The following PPARA variants were observed in gnomAD, a reference collection of about 807,000 sequenced individuals.
The protein encoded by PPARA is peroxisome proliferator-activated receptor alpha.
PPARA carries 22 observed loss-of-function variants against 42.2 expected under a neutral mutation model. The observed-to-expected ratio is 0.52, with a 90% CI of 0.37 to 0.74. The LOEUF is 0.74. PPARA is among the 30% of genes least tolerant of loss of function. The pLI is 0.00. For missense variants in PPARA, 465 were observed against 608.2 expected (o/e 0.76, Z 2.48); for synonymous variants, 242 against 239.3 (o/e 1.01, Z -0.10).
intron 4 of PPARA, among the ~76,000 whole-genome samples, chr22:46,199,659 G>A (rs1000303434): frequency 6.6e-6 from 1 of 152,050 alleles, no homozygotes; most frequent in South Asian, 2.1e-4. Flanking sequence ...ATTTTTTTAA[G>A]CAACATTGAA....
In PPARA at chr22:46,196,808, C is replaced by T. The variant is rs1263361367; in HGVS notation, c.-42-1534C>T. On this transcript the variant is annotated intron_variant, in intron 3 of 8. Transcript: ENST00000407236. This position sits in a 1 kb window ranked among gnomAD's most constrained non-coding sequence, Gnocchi z 5.6. ...TGCGACCTCAGCTCACCGCAACCTC[C>T]GCCTCCCATGTTCAAGCGGTTCTCC... 1.3e-5 allele frequency among the ~76,000 whole-genome samples: 2 copies of T among 152,322 alleles called. No individual in the cohort carries two copies. The highest frequency in any genetic ancestry group is 2.4e-5 in the African/African-American group (1 of 41,562).
chr22:46,153,118 T>C (rs969683718), intron 2 of PPARA, among the ~76,000 whole-genome samples: 22 of 146,314 alleles, frequency 1.5e-4, no homozygotes, highest in Non-Finnish European at 3.0e-4. Flanking sequence ...ATTAATTAAC[T>C]AATTGACATT....
intron 7 of PPARA, among the ~76,000 whole-genome samples, chr22:46,223,864 G>T (rs376851432): frequency 2.8e-4 from 41 of 145,870 alleles, no homozygotes; most frequent in African/African-American, 1.0e-3. Context: ...GCAGGAGAAT[G>T]GCGTGAACCT....
At chr22:46,197,910 T>TA (rs1284564114) in intron 3 of PPARA, among the ~76,000 whole-genome samples, 10 of 139,608 alleles carry the variant, frequency 7.2e-5, no homozygotes, top group East Asian at 6.6e-4. Context: ...ATCTCAAAAA[T>TA]AAAAAAAATT....
Position 46,241,115 on chromosome 22 carries a change from G to A in PPARA, c.*5735G>A, listed in dbSNP as rs556447534. ...ATCATCCCGTGACCTTCCTGCTTCC[G>A]AGTCCATGGCCTTTGCCCAGGGCAT... On this transcript the variant is annotated 3_prime_UTR_variant, in exon 9 of 9. Coordinates refer to ENST00000407236, the MANE Select transcript of PPARA (RefSeq NM_005036.6). This position sits in a 1 kb window ranked among gnomAD's most constrained non-coding sequence, Gnocchi z 5.7. 13 of 152,254 alleles carry A rather than the reference G, an allele frequency of 8.5e-5. No individual in the cohort carries two copies. The highest frequency in any genetic ancestry group is 2.6e-4 in the Admixed American group (4 of 15,290). 9.4% of individuals were successfully genotyped at this position (152,254 alleles called of 1,614,324 possible). A position where few individuals can be genotyped will look rare whatever the true frequency, so the allele number is the denominator to read the frequency against.
intron 2 of PPARA, among the ~76,000 whole-genome samples, chr22:46,166,611 A>G (rs1927096112): frequency 6.9e-6 from 1 of 145,980 alleles, no homozygotes; most frequent in African/African-American, 2.6e-5. Context: ...GAGCAAGACT[A>G]CCATCTCAAA....
At chr22:46,199,130 T>A (rs531759186) in intron 4 of PPARA, among the ~76,000 whole-genome samples, 11 of 152,138 alleles carry the variant, frequency 7.2e-5, no homozygotes, top group African/African-American at 2.7e-4. Flanking sequence ...TGAGATTCAG[T>A]CACGGGGAAC....
At chr22:46,207,062 A>C (rs1203361511) in intron 4 of PPARA, among the ~76,000 whole-genome samples, 2 of 151,864 alleles carry the variant, frequency 1.3e-5, no homozygotes, top group East Asian at 3.9e-4. Context: ...GTCTTTACTA[A>C]AAATACAAAA....
At position 46,180,885 on chromosome 22, in the gene PPARA, C is replaced by A. The variant is rs1034978970; in HGVS notation, c.-43+4049C>A. Among the ~76,000 whole-genome samples, 6 of 152,132 alleles carry A rather than the reference C, an allele frequency of 3.9e-5. No homozygotes were observed. The highest frequency in any genetic ancestry group is 1.9e-4 in the East Asian group (1 of 5,192). On this transcript the variant is annotated intron_variant, in intron 3 of 8. Transcript: ENST00000407236. This position sits in a 1 kb window ranked among gnomAD's most constrained non-coding sequence, Gnocchi z 4.2. ...AGCCCGGGTCGAGGGAGACCTGGGA[C>A]CTTTGGTGCCAATGGGAGGACTTTA...
intron 2 of PPARA, among the ~76,000 whole-genome samples, chr22:46,157,024 T>C (rs796659126): frequency 1.7e-4 from 26 of 152,278 alleles, no homozygotes; most frequent in African/African-American, 5.3e-4. Flanking sequence ...AGGGATCTGC[T>C]GAAATGCAGG....
rs1232568671 is a variant in PPARA, at chr22:46,182,789, G to A, written c.-43+5953G>A. ...AGACAGAGTCTCGCTCCATCGTCCAGGCTGGAGTGCAATGGCACCGTCTCA... is the reference window on the plus strand; with the variant it reads ...AGACAGAGTCTCGCTCCATCGTCCAAGCTGGAGTGCAATGGCACCGTCTCA... On this transcript the variant is annotated intron_variant, in intron 3 of 8. Transcript: ENST00000407236. This position sits in a 1 kb window ranked among gnomAD's most constrained non-coding sequence, Gnocchi z 5.2. Among the ~76,000 whole-genome samples, 1 of 152,102 alleles carries A rather than the reference G, an allele frequency of 6.6e-6. No individual in the cohort carries two copies. The highest frequency in any genetic ancestry group is 2.4e-5 in the African/African-American group (1 of 41,416).
intron 4 of PPARA, among the ~76,000 whole-genome samples, chr22:46,201,678 G>A (rs1932846639): frequency 6.6e-6 from 1 of 152,118 alleles, no homozygotes; most frequent in Non-Finnish European, 1.5e-5. Context: ...AGCCTTGTGA[G>A]GTCGTTGTTA....
At chr22:46,207,677 A>ATTATTATTTTT (rs1555951376) in intron 4 of PPARA, among the ~76,000 whole-genome samples, 1 of 50,724 alleles carries the variant, frequency 2.0e-5, no homozygotes, top group Non-Finnish European at 3.3e-5. Context: ...TATTATTATT[A>ATTATTATTTTT]TTTTTTTTTT....
chr22:46,210,108 G>A (rs975215391), intron 4 of PPARA, among the ~76,000 whole-genome samples: 1 of 151,790 alleles, frequency 6.6e-6, no homozygotes, highest in East Asian at 2.0e-4. Context: ...TCGGGAGTTC[G>A]AGACCAGCCT....
chr22:46,212,063 C>T lies in PPARA; in HGVS notation c.209-3110C>T, dbSNP rs1331529631. Among the ~76,000 whole-genome samples, 2 of 150,064 alleles carry T rather than the reference C, an allele frequency of 1.3e-5. No homozygotes were observed. The highest frequency in any genetic ancestry group is 3.0e-5 in the Non-Finnish European group (2 of 67,454). The stretch of plus-strand genomic sequence containing the variant: ...TTTCCCTCTCCTCTCTTCTCCTCTC[C>T]TCTCCTTTGATGGAGGTCTCACTGT... On this transcript the variant is annotated intron_variant, in intron 4 of 8. Transcript: ENST00000407236. The surrounding 1 kb of genome is among the most constrained non-coding windows in gnomAD (Gnocchi z 4.2).
rs1044783854 is a variant in PPARA, at chr22:46,192,537, T to A, written c.-42-5805T>A. On this transcript the variant is annotated intron_variant, in intron 3 of 8. Transcript: ENST00000407236. This position sits in a 1 kb window ranked among gnomAD's most constrained non-coding sequence, Gnocchi z 4.3. ...AATTTTCATATACTCTGTTTCATCG[T>A]TCTCAAAGGAATATTTTGATTGATA... is the stretch of plus-strand genomic sequence containing the variant. 6.6e-6 allele frequency among the ~76,000 whole-genome samples: 1 copy of A among 152,234 alleles called. No homozygotes were observed. The highest frequency in any genetic ancestry group is 1.5e-5 in the Non-Finnish European group (1 of 68,042).
rs1195717903 is a variant in PPARA at position 46,183,455 on chromosome 22, TATCAGGTCAGG to T, written c.-43+6620_-43+6630del. ...CTTGTGAGTAATTCAGAATCTGGATTATCAGGTCAGGCTCAATGGCTCACGCCAGTAGTCCC... is the reference window on the plus strand; with the variant it reads ...CTTGTGAGTAATTCAGAATCTGGATTCTCAATGGCTCACGCCAGTAGTCCC... On this transcript the variant is annotated intron_variant, in intron 3 of 8. Coordinates refer to ENST00000407236, the MANE Select transcript of PPARA (RefSeq NM_005036.6). This position sits in a 1 kb window ranked among gnomAD's most constrained non-coding sequence, Gnocchi z 5.5. 2.6e-5 allele frequency among the ~76,000 whole-genome samples: 4 copies of T among 152,212 alleles called. No individual in the cohort carries two copies. Among genetic ancestry groups the T allele is most frequent in the Non-Finnish European group, 5.9e-5 (4 of 68,032 alleles).
intron 3 of PPARA, among the ~76,000 whole-genome samples, chr22:46,185,340 G>T (rs1394920932): frequency 6.6e-6 from 1 of 152,066 alleles, no homozygotes; most frequent in Non-Finnish European, 1.5e-5. Context: ...TTTCATGAGT[G>T]CAGTGTTTCT....
At chr22:46,153,794 G>A (rs1468784147) in intron 2 of PPARA, among the ~76,000 whole-genome samples, 1 of 152,158 alleles carries the variant, frequency 6.6e-6, no homozygotes. Flanking sequence ...GGGAGGTGGA[G>A]GTTGCAGTGA....
Sources: gnomAD v4.1 joint callset for allele counts (sites outside exome capture counted in the v4.1 genomes callset) on GRCh38, gnomAD v4.1.1 for gene constraint, Gnocchi (gnomAD v3.1) non-coding constraint, MANE v1.5 for transcripts, NCBI Gene and HGNC (gene_info 2026-07-23, HGNC 2026-07-21) for gene names.